DRICH1: variants seen among roughly 807,000 people sequenced by gnomAD.
DRICH1 encodes the protein aspartate rich 1.
A neutral mutation model predicts 39.5 loss-of-function variants in DRICH1; 38 were observed. The ratio of observed to expected loss-of-function variants is 0.96; its 90% CI spans 0.74 to 1.26. The LOEUF (loss-of-function observed/expected upper bound fraction) is 1.26, where lower values mean the gene tolerates loss of function less well. Ranked by LOEUF, DRICH1 falls within the 50% of genes most tolerant of loss-of-function variation. The pLI is 0.00. For synonymous variants in DRICH1, 84 were observed against 99.5 expected, an observed-to-expected ratio of 0.84 and a Z score of 0.93; for missense variants, 279 against 270.4, an observed-to-expected ratio of 1.03 and a Z score of -0.22.
At chr22:23,608,830 T>C in intron 11 of DRICH1, 62 bp from the exon 12 acceptor site, 1 of 1,535,130 alleles carries the variant, frequency 6.5e-7, no homozygotes, top group Non-Finnish European at 8.8e-7. Flanking sequence ...CACTATGACA[T>C]CATCCCACTA....
chr22:23,604,099 G>T (rs977818678), downstream of DRICH1, among the ~76,000 whole-genome samples: 1 of 152,044 alleles, frequency 6.6e-6, no homozygotes, highest in Non-Finnish European at 1.5e-5. Context: ...GGTGTCTCTA[G>T]TTCTGGATTC....
the DRICH1 span, among the ~76,000 whole-genome samples, chr22:23,595,083 G>A: frequency 4.7e-5 from 7 of 148,486 alleles, no homozygotes; most frequent in Admixed American, 1.4e-4. Context: ...TCCCTCCTCC[G>A]TGTGCCCGGC....
chr22:23,603,000 C>G, the DRICH1 span, among the ~76,000 whole-genome samples: 2 of 149,030 alleles, frequency 1.3e-5, no homozygotes. Context: ...TCCATGAACA[C>G]ATTTACTTTT....
At position 23,616,832 on chromosome 22, in the gene DRICH1, GAGTT is replaced by G. The variant is rs1313220645; in HGVS notation, c.541+17_541+20del. 1 of 1,613,644 alleles carries G rather than the reference GAGTT, an allele frequency of 6.2e-7. No individual in the cohort carries two copies. The highest frequency in any genetic ancestry group is 1.3e-5 in the African/African-American group (1 of 74,918). On this transcript the variant is annotated intron_variant, in intron 8 of 11. Transcript: ENST00000317749. ...CCAGCAAGTTTGTTTCTCAGAAAGTGAGTTAGTTCAAGGTACATACCCTGGACAG... is the reference window on the plus strand; with the variant it reads ...CCAGCAAGTTTGTTTCTCAGAAAGTGAGTTCAAGGTACATACCCTGGACAG...
chr22:23,624,992 A>T (rs1927977012), intron 2 of DRICH1, 88 bp from the exon 3 acceptor site: 2 of 1,438,958 alleles, frequency 1.4e-6, no homozygotes, highest in Non-Finnish European at 1.9e-6. Flanking sequence ...TGATGACTTC[A>T]GAAAACTACT....
intron 5 of DRICH1, among the ~76,000 whole-genome samples, chr22:23,620,103 C>T (rs576035294): frequency 6.6e-6 from 1 of 152,208 alleles, no homozygotes. Context: ...CTCAAAAGCC[C>T]ATAAACATAG....
At chr22:23,599,884 C>T in the DRICH1 span, among the ~76,000 whole-genome samples, 2 of 152,184 alleles carry the variant, frequency 1.3e-5, no homozygotes, top group African/African-American at 4.8e-5. Flanking sequence ...AGTGCCACAG[C>T]CCCCTTCTCC....
chr22:23,631,934 A>T lies in DRICH1; in HGVS notation c.90T>A (p.Ile30=), dbSNP rs1322202919. The T allele has an allele frequency of 1.2e-6, 2 of 1,613,684 alleles. No homozygotes were observed. Among genetic ancestry groups the T allele is most frequent in the Non-Finnish European group, 1.7e-6 (2 of 1,180,042 alleles). Residue 30 remains isoleucine (I), a synonymous_variant, in exon 1 of 12, where the codon ATT becomes ATA. Transcript: ENST00000317749. Reference sequence around the variant, plus strand: ...ATGTTGCAGCAGCCACAGTCTCATAAATATCAGTATCAGATTCATAACAGG... The same window carrying T: ...ATGTTGCAGCAGCCACAGTCTCATATATATCAGTATCAGATTCATAACAGG... ...DAPCYESDTD[I]YETVAAATSE...
intron 8 of DRICH1, among the ~76,000 whole-genome samples, chr22:23,616,239 A>T (rs1927339515): frequency 6.6e-6 from 1 of 152,228 alleles, no homozygotes. Context: ...CTCTGTCCTA[A>T]ACCAAAGGCT....
At chr22:23,624,334 TAAAGCAAGAAGA>T (rs1179274416) in intron 3 of DRICH1, 1 of 985,030 alleles carries the variant, frequency 1.0e-6, no homozygotes, top group Non-Finnish European at 1.2e-6. Flanking sequence ...CTTTAAATAA[TAAAGCAAGAAGA>T]AATGATCAAA....
chr22:23,631,984 C>G lies in DRICH1; in HGVS notation c.40G>C (p.Gly14Arg), dbSNP rs766995910. 9 of 1,613,658 alleles carry G rather than the reference C, an allele frequency of 5.6e-6. No homozygotes were observed. The South Asian group carries it at 8.8e-5, about 16-fold the overall frequency. Residue 14 changes from glycine to arginine, a missense_variant, in exon 1 of 12, where the codon GGC becomes CGC. By Grantham distance (125) the Gly-to-Arg change is moderately radical. Coordinates refer to ENST00000317749, the MANE Select transcript of DRICH1 (RefSeq NM_016449.4). ...ILTCCINSHCGWPRGKDAPCY... is the reference protein window; with the variant it reads ...ILTCCINSHCRWPRGKDAPCY... ...GGTGCGTCCTTCCCCCTGGGCCAGCCACAGTGGGAGTTGATACAACAGGTC... is the reference window on the plus strand; with the variant it reads ...GGTGCGTCCTTCCCCCTGGGCCAGCGACAGTGGGAGTTGATACAACAGGTC...
chr22:23,609,002 C>A (rs1438869726), intron 11 of DRICH1, among the ~76,000 whole-genome samples: 27 of 152,200 alleles, frequency 1.8e-4, no homozygotes, highest in Admixed American at 1.8e-3. Context: ...CTGAGCCCCA[C>A]ACCCTTGCCT....
At chr22:23,606,350 C>T (rs1321853227), downstream of DRICH1, among the ~76,000 whole-genome samples, 11 of 152,220 alleles carry the variant, frequency 7.2e-5, no homozygotes, top group African/African-American at 2.6e-4. Context: ...TATGGGGGAG[C>T]CTTGCCTCAT....
intron 11 of DRICH1, among the ~76,000 whole-genome samples, chr22:23,611,269 A>T (rs572235473): frequency 6.6e-6 from 1 of 152,348 alleles, no homozygotes; most frequent in East Asian, 1.9e-4. Context: ...TGAGACCCAC[A>T]TTCCCCATCT....
intron 3 of DRICH1, chr22:23,623,789 G>A: frequency 3.8e-6 from 1 of 266,488 alleles, no homozygotes; most frequent in Non-Finnish European, 5.8e-6. Context: ...TAGCTTGGGG[G>A]CACCCATAAG....
chr22:23,613,192 C>A lies in DRICH1; in HGVS notation c.685+97G>T, dbSNP rs138182940. On this transcript the variant is annotated intron_variant, in intron 11 of 11. Transcript: ENST00000317749. Reference sequence around the variant, plus strand: ...TTTCCATTTTCTTTCTGATTTCATACCCCCTCCTTCAGCCCCTCCTCACAA... The same window carrying A: ...TTTCCATTTTCTTTCTGATTTCATAACCCCTCCTTCAGCCCCTCCTCACAA... 1.1e-3 allele frequency: 987 copies of A among 861,774 alleles called. 10 individuals are homozygous for A. In the African/African-American group the frequency reaches 0.014, roughly 12 times the overall value. 53.4% of individuals were successfully genotyped at this position (861,774 alleles called of 1,614,324 possible). A position where few individuals can be genotyped will look rare whatever the true frequency, so the allele number is the denominator to read the frequency against.
the DRICH1 span, among the ~76,000 whole-genome samples, chr22:23,582,794 C>T: frequency 8.4e-4 from 128 of 152,204 alleles, 1 homozygote; most frequent in African/African-American, 3.0e-3. Context: ...CTCCTGATCT[C>T]AGGCGATCAG....
At chr22:23,625,053 G>T in intron 2 of DRICH1, 149 bp from the exon 3 acceptor site, 1 of 885,442 alleles carries the variant, frequency 1.1e-6, no homozygotes, top group Non-Finnish European at 1.7e-6. Flanking sequence ...TTAGCATAGA[G>T]GACATGAGTG....
chr22:23,594,913 A>G, the DRICH1 span, among the ~76,000 whole-genome samples: 1 of 151,302 alleles, frequency 6.6e-6, no homozygotes, highest in East Asian at 1.9e-4. Context: ...GAAAGAGGTG[A>G]GCAGAGTCTG....
Sources: gnomAD v4.1 joint callset for allele counts (sites outside exome capture counted in the v4.1 genomes callset) on GRCh38, gnomAD v4.1.1 for gene constraint, MANE v1.5 for transcripts, NCBI Gene and HGNC (gene_info 2026-07-23, HGNC 2026-07-21) for gene names.